ZNF236: variants seen among roughly 807,000 people sequenced by gnomAD.
ZNF236 encodes zinc finger protein 236.
In ZNF236, 50 loss-of-function variants were observed where a neutral mutation model predicts 191.2. The ratio of observed to expected loss-of-function variants is 0.26; its 90% CI spans 0.21 to 0.33. The LOEUF is 0.33. ZNF236 is among the 10% of genes least tolerant of loss of function. The pLI is 1.00. For missense variants in ZNF236, 1,754 were observed against 2,374.5 expected (o/e 0.74, Z 5.43); for synonymous variants, 907 against 928.8 (o/e 0.98, Z 0.43).
intron 3 of ZNF236, among the ~76,000 whole-genome samples, chr18:76,862,860 G>T (rs1976284422): frequency 6.6e-6 from 1 of 152,218 alleles, no homozygotes. Context: ...ACAGACACGA[G>T]CCAGCACAGT....
In ZNF236 at chr18:76,895,022, G is replaced by A. The variant is rs1300884622; in HGVS notation, c.1427G>A (p.Arg476His). Residue 476 changes from arginine (R) to histidine (H), a missense_variant, in exon 10 of 31, where the codon CGC becomes CAC. Arg to His is a conservative substitution (Grantham distance 29). This residue lies in a region of ZNF236 where 126 missense variants were observed against 110.9 expected (regional missense o/e 1.14). Transcript: ENST00000320610. ...KKSPFLPGSI[R>H]EENGVRWHVC... The stretch of plus-strand genomic sequence containing the variant: ...TCCTCTCCCTTCACAGGCTCCATCC[G>A]CGAGGAGAACGGCGTGCGCTGGCAT... 3.7e-6 allele frequency: 6 copies of A among 1,609,228 alleles called. No homozygotes were observed. The highest frequency in any genetic ancestry group is 5.1e-6 in the Non-Finnish European group (6 of 1,179,934).
chr18:76,855,209 C>T (rs1976008489), intron 3 of ZNF236, among the ~76,000 whole-genome samples: 1 of 152,198 alleles, frequency 6.6e-6, no homozygotes, highest in African/African-American at 2.4e-5. Flanking sequence ...CAGGTATGAT[C>T]CACTGTGCCT....
chr18:76,824,221 G>A, intron 1 of ZNF236: 2 of 738,490 alleles, frequency 2.7e-6, no homozygotes, highest in Non-Finnish European at 5.1e-6. Flanking sequence ...TAATGGGTAG[G>A]AATCAATGTA....
chr18:76,901,591 C>A (rs1357039334), intron 11 of ZNF236, among the ~76,000 whole-genome samples: 1 of 152,012 alleles, frequency 6.6e-6, no homozygotes, highest in East Asian at 1.9e-4. Flanking sequence ...AACCCCATCT[C>A]TACTAGAAAT....
intron 1 of ZNF236, among the ~76,000 whole-genome samples, chr18:76,844,026 C>T (rs888185628): frequency 3.3e-5 from 5 of 151,160 alleles, no homozygotes; most frequent in Non-Finnish European, 5.9e-5. Flanking sequence ...GCTGAGGCGG[C>T]GTCAGGAGTT....
At chr18:76,916,300 T>G (rs1268056777) in intron 19 of ZNF236, among the ~76,000 whole-genome samples, 1 of 152,218 alleles carries the variant, frequency 6.6e-6, no homozygotes, top group Non-Finnish European at 1.5e-5. Context: ...TCCATCATAT[T>G]TTATTATATA....
In ZNF236 at chr18:76,925,444, C is replaced by T. The variant is rs376074722; in HGVS notation, c.3917C>T (p.Thr1306Ile). Residue 1306 changes from threonine to isoleucine, a missense_variant, in exon 22 of 31, where the codon ACT becomes ATT. Thr to Ile is a moderately conservative substitution (Grantham distance 89). Transcript: ENST00000320610. The surrounding 1 kb of genome is among the most constrained non-coding windows in gnomAD (Gnocchi z 5.7). ...GTAAACCTCCTCAACTCCTCCTCTA[C>T]TGACCCAAACGTGTTTATCATGAAC... ...QPVNLLNSSSTDPNVFIMNNS... is the reference protein window; with the variant it reads ...QPVNLLNSSSIDPNVFIMNNS... 7 of 1,614,118 alleles carry T rather than the reference C, an allele frequency of 4.3e-6. No individual in the cohort carries two copies. The highest frequency in any genetic ancestry group is 1.6e-4 in the Middle Eastern group (1 of 6,084).
At chr18:76,941,469 G>A (rs1968131574) in intron 26 of ZNF236, among the ~76,000 whole-genome samples, 1 of 152,160 alleles carries the variant, frequency 6.6e-6, no homozygotes, top group Admixed American at 6.5e-5. Context: ...TGAGCTGCCA[G>A]TACCTCGTTT....
rs114649345 is a variant in ZNF236 at position 76,912,090 on chromosome 18, C to G, written c.2806-154C>G. Among the ~76,000 whole-genome samples, 1,209 of 152,274 alleles carry G rather than the reference C, an allele frequency of 7.9e-3. 12 individuals carry two copies. The highest frequency in any genetic ancestry group is 0.027 in the African/African-American group (1,131 of 41,550). On this transcript the variant is annotated intron_variant, in intron 16 of 30. Coordinates refer to ENST00000320610, the MANE Select transcript of ZNF236 (RefSeq NM_001306089.2). ...TGTATAAGTGATCTTTATTATTGCT[C>G]TGGCCTAAATGATTACAGTGAACTA... is the stretch of plus-strand genomic sequence containing the variant.
chr18:76,847,768 G>T (rs1050716768), intron 1 of ZNF236, among the ~76,000 whole-genome samples: 1 of 152,164 alleles, frequency 6.6e-6, no homozygotes, highest in Non-Finnish European at 1.5e-5. Context: ...GAGCCCCTCC[G>T]CCCGGCCCCA....
intron 17 of ZNF236, among the ~76,000 whole-genome samples, chr18:76,913,052 G>T (rs538144056): frequency 6.6e-6 from 1 of 152,370 alleles, no homozygotes; most frequent in South Asian, 2.1e-4. Context: ...TGGGCACCCA[G>T]TCTTGACTTA....
At chr18:76,863,388 A>G (rs1311238687) in intron 3 of ZNF236, among the ~76,000 whole-genome samples, 2 of 152,226 alleles carry the variant, frequency 1.3e-5, no homozygotes, top group African/African-American at 2.4e-5. Flanking sequence ...ACACCAAGAC[A>G]TATCATAATG....
At chr18:76,901,025 A>G (rs143569960) in intron 11 of ZNF236, among the ~76,000 whole-genome samples, 16 of 152,288 alleles carry the variant, frequency 1.1e-4, no homozygotes, top group African/African-American at 1.9e-4. Context: ...CACTCTTCGG[A>G]TCTGACAGGA....
intron 27 of ZNF236, among the ~76,000 whole-genome samples, chr18:76,952,722 T>G (rs368319004): frequency 3.9e-5 from 6 of 152,216 alleles, no homozygotes; most frequent in African/African-American, 1.4e-4. Context: ...GCAGGAGGAC[T>G]GCTTGAGCCC....
intron 25 of ZNF236, among the ~76,000 whole-genome samples, chr18:76,932,196 CAG>C (rs1215856488): frequency 3.9e-5 from 6 of 152,164 alleles, no homozygotes; most frequent in Admixed American, 1.3e-4. Flanking sequence ...GCACATGTCA[CAG>C]GGGGTGGCTC....
Position 76,875,484 on chromosome 18 carries a change from C to T in ZNF236, c.668-8C>T. The T allele has an allele frequency of 6.7e-7, 1 of 1,495,138 alleles. No individual in the cohort carries two copies. Among genetic ancestry groups the T allele is most frequent in the Non-Finnish European group, 9.0e-7 (1 of 1,115,394 alleles). The allele number at this position is 1,495,138 out of a possible 1,614,324, so 92.6% of individuals were successfully genotyped here. Reference sequence around the variant, plus strand: ...AATTATATTTTGATCATTTTTCTCCCACTCTAGGTGAAAGGCCGTTCAAAT... The same window carrying T: ...AATTATATTTTGATCATTTTTCTCCTACTCTAGGTGAAAGGCCGTTCAAAT... On this transcript the variant is annotated splice_region_variant and splice_polypyrimidine_tract_variant and intron_variant, in intron 5 of 30. Transcript: ENST00000320610. The surrounding 1 kb of genome is among the most constrained non-coding windows in gnomAD (Gnocchi z 4.3).
intron 9 of ZNF236, among the ~76,000 whole-genome samples, chr18:76,887,723 C>T (rs1297027350): frequency 6.6e-6 from 1 of 152,156 alleles, no homozygotes; most frequent in Non-Finnish European, 1.5e-5. Flanking sequence ...GAGACATGTA[C>T]AGGGCAACTG....
intron 11 of ZNF236, among the ~76,000 whole-genome samples, chr18:76,902,849 C>G (rs528469192): frequency 6.6e-6 from 1 of 152,220 alleles, no homozygotes; most frequent in African/African-American, 2.4e-5. Flanking sequence ...CCTTGGCCTC[C>G]CAAAGTGCTG....
chr18:76,926,994 C>A, intron 22 of ZNF236, 43 bp from the exon 23 acceptor site: 2 of 1,567,526 alleles, frequency 1.3e-6, no homozygotes, highest in South Asian at 2.3e-5. Flanking sequence ...TTTTAAGAAG[C>A]ATTCATAATA....
Sources: gnomAD v4.1 joint callset for allele counts (sites outside exome capture counted in the v4.1 genomes callset) on GRCh38, gnomAD v4.1.1 for gene constraint, gnomAD v4.1.1 regional missense constraint, Gnocchi (gnomAD v3.1) non-coding constraint, MANE v1.5 for transcripts, NCBI Gene and HGNC (gene_info 2026-07-23, HGNC 2026-07-21) for gene names.